The following IFT74 variants were observed in gnomAD, a reference collection of about 807,000 sequenced individuals.
IFT74 encodes intraflagellar transport 74, also known as intraflagellar transport protein 74 homolog.
A neutral mutation model predicts 96.7 loss-of-function variants in IFT74; 92 were observed. That is an observed-to-expected ratio of 0.95 (90% CI 0.80 to 1.13). IFT74 has a LOEUF of 1.13. Ranked by LOEUF, IFT74 falls within the 50% of genes most tolerant of loss-of-function variation. IFT74 has a pLI of 0.00. For synonymous variants in IFT74, 223 were observed against 213.2 expected (o/e 1.05, Z -0.40); for missense variants, 811 against 698.2 (o/e 1.16, Z -1.82).
intron 13 of IFT74, among the ~76,000 whole-genome samples, chr9:27,041,172 A>G (rs1281336973): frequency 6.6e-6 from 1 of 152,206 alleles, no homozygotes; most frequent in African/African-American, 2.4e-5. Flanking sequence ...TTATTAGAGT[A>G]TAAATTCTTC....
intron 16 of IFT74, among the ~76,000 whole-genome samples, chr9:27,049,359 G>A (rs527514860): frequency 4.6e-5 from 7 of 152,276 alleles, no homozygotes; most frequent in East Asian, 1.9e-4. Flanking sequence ...TGACCAGTAC[G>A]GGCTAGAATA....
Position 27,023,617 on chromosome 9 carries a change from C to A in IFT74, c.974+4930C>A, listed in dbSNP as rs575999356. On this transcript the variant is annotated intron_variant, in intron 12 of 19. Coordinates refer to ENST00000380062, the MANE Select transcript of IFT74 (RefSeq NM_025103.4). The stretch of plus-strand genomic sequence containing the variant: ...ATTAGGGATGTTGGTCCATAGTTTT[C>A]TTTTTTTTGTTATGTTCATTCCTGG... Among the ~76,000 whole-genome samples, 11 of 151,868 alleles carry A rather than the reference C, an allele frequency of 7.2e-5. No homozygotes were observed. The South Asian group carries it at 1.9e-3, about 26-fold the overall frequency.
intron 18 of IFT74, among the ~76,000 whole-genome samples, chr9:27,060,341 C>T (rs1449935612): frequency 6.6e-6 from 1 of 151,850 alleles, no homozygotes; most frequent in Admixed American, 6.6e-5. Flanking sequence ...TTGGCATGTT[C>T]ATTGGTATAA....
intron 4 of IFT74, among the ~76,000 whole-genome samples, chr9:26,981,839 C>G (rs1483254776): frequency 6.6e-6 from 1 of 151,170 alleles, no homozygotes; most frequent in African/African-American, 2.4e-5. Flanking sequence ...GTGATCTCAG[C>G]TCACTGCAAC....
chr9:26,961,650 C>T (rs1378765998), intron 1 of IFT74, among the ~76,000 whole-genome samples: 1 of 151,962 alleles, frequency 6.6e-6, no homozygotes, highest in Non-Finnish European at 1.5e-5. Context: ...AAGATGTTGG[C>T]TATGATGGGA....
intron 8 of IFT74, among the ~76,000 whole-genome samples, chr9:27,007,628 T>C (rs1217642238): frequency 1.3e-5 from 2 of 152,218 alleles, no homozygotes; most frequent in African/African-American, 4.8e-5. Flanking sequence ...TTGAGATTTT[T>C]TTTGGTAGGG....
chr9:26,996,606 CATT>C (rs1229786264), intron 8 of IFT74: 3 of 711,328 alleles, frequency 4.2e-6, no homozygotes, highest in South Asian at 5.7e-5. Context: ...TTCTTAAAGG[CATT>C]ATAAGAAATT....
rs1431745765 is a variant in IFT74 at position 27,007,079 on chromosome 9, T to C, written c.588-1941T>C. ...GTCTCGATCTCCTGACCTCGTGATCTGCCCGCCTCGGCCTCCTAAAGTGCT... is the reference window on the plus strand; with the variant it reads ...GTCTCGATCTCCTGACCTCGTGATCCGCCCGCCTCGGCCTCCTAAAGTGCT... On this transcript the variant is annotated intron_variant, in intron 8 of 19. Coordinates refer to ENST00000380062, the MANE Select transcript of IFT74 (RefSeq NM_025103.4). 3.3e-5 allele frequency among the ~76,000 whole-genome samples: 5 copies of C among 152,068 alleles called. No individual in the cohort carries two copies. In the South Asian group the frequency reaches 8.3e-4, roughly 25 times the overall value.
chr9:26,997,950 G>C (rs1168611487), intron 8 of IFT74: 1 of 1,613,682 alleles, frequency 6.2e-7, no homozygotes, highest in Non-Finnish European at 8.5e-7. Flanking sequence ...AGATATAACT[G>C]TTTTAGTTTA....
At chr9:27,015,876 A>G (rs1206217099) in intron 10 of IFT74, among the ~76,000 whole-genome samples, 1 of 152,212 alleles carries the variant, frequency 6.6e-6, no homozygotes, top group Non-Finnish European at 1.5e-5. Flanking sequence ...CTGGCACAGA[A>G]CAGATGCTCA....
At chr9:27,003,740 C>G (rs1338738189) in intron 8 of IFT74, among the ~76,000 whole-genome samples, 1 of 152,186 alleles carries the variant, frequency 6.6e-6, no homozygotes, top group Non-Finnish European at 1.5e-5. Flanking sequence ...AAAAGCTACT[C>G]TGCCTCCTAT....
intron 12 of IFT74, among the ~76,000 whole-genome samples, chr9:27,023,191 C>T (rs1163165046): frequency 6.6e-6 from 1 of 152,034 alleles, no homozygotes; most frequent in Admixed American, 6.6e-5. Context: ...ACTTCTAGTG[C>T]TGTGTTGAAT....
chr9:27,017,615 T>A (rs1158946001), intron 11 of IFT74, among the ~76,000 whole-genome samples: 1 of 152,196 alleles, frequency 6.6e-6, no homozygotes, highest in Non-Finnish European at 1.5e-5. Context: ...ATTTAGATAA[T>A]CTTTTTGAAG....
chr9:27,061,126 A>G (rs945941134), intron 19 of IFT74: 4 of 172,080 alleles, frequency 2.3e-5, no homozygotes, highest in African/African-American at 4.9e-5. Flanking sequence ...GACTGTTTCA[A>G]TTCTACAGTA....
At chr9:26,962,234 G>T in intron 2 of IFT74, 147 bp downstream of exon 2, 3 of 649,876 alleles carry the variant, frequency 4.6e-6, no homozygotes, top group East Asian at 2.8e-5. Flanking sequence ...TCTGTTGAAT[G>T]CTTGTGCATA....
At chr9:26,983,299 A>G (rs1827467437) in intron 4 of IFT74, among the ~76,000 whole-genome samples, 1 of 152,224 alleles carries the variant, frequency 6.6e-6, no homozygotes, top group African/African-American at 2.4e-5. Flanking sequence ...GTTATTCCTA[A>G]TGATTGCATT....
chr9:26,957,674 G>A (rs1826174956), intron 1 of IFT74, among the ~76,000 whole-genome samples: 1 of 152,202 alleles, frequency 6.6e-6, no homozygotes, highest in Non-Finnish European at 1.5e-5. Context: ...ATGCATGACT[G>A]TAGAAAGGAT....
At chr9:26,983,322 C>T (rs1407472874) in intron 4 of IFT74, among the ~76,000 whole-genome samples, 2 of 152,176 alleles carry the variant, frequency 1.3e-5, no homozygotes, top group African/African-American at 4.8e-5. Context: ...CTTTCTCCCC[C>T]AGGATTTGTG....
chr9:27,010,493 T>G (rs574199600), intron 9 of IFT74, among the ~76,000 whole-genome samples: 9 of 148,632 alleles, frequency 6.1e-5, no homozygotes, highest in East Asian at 2.0e-4. Context: ...TTGTTTTTTT[T>G]TTTTTGTTTT....
Sources: gnomAD v4.1 joint callset for allele counts (sites outside exome capture counted in the v4.1 genomes callset) on GRCh38, gnomAD v4.1.1 for gene constraint, MANE v1.5 for transcripts, NCBI Gene and HGNC (gene_info 2026-07-23, HGNC 2026-07-21) for gene names.